Variants in NFXL1 observed in about 807,000 individuals in gnomAD.
The protein encoded by NFXL1 is NF-X1-type zinc finger protein NFXL1.
Under a neutral mutation model 123.3 loss-of-function variants are expected in NFXL1, and 66 were observed. The observed-to-expected ratio is 0.54, with a 90% CI of 0.44 to 0.66. NFXL1 has a LOEUF of 0.66. NFXL1 is among the 30% of genes least tolerant of loss of function. NFXL1 has a pLI of 0.00. For missense variants in NFXL1, 944 were observed against 1,125.6 expected (o/e 0.84, Z 2.31); for synonymous variants, 346 against 360.8 (o/e 0.96, Z 0.46).
chr4:47,879,033 G>C (rs1340026690), intron 16 of NFXL1, 63 bp downstream of exon 16: 1 of 918,108 alleles, frequency 1.1e-6, no homozygotes, highest in Non-Finnish European at 1.7e-6. Context: ...CTCTAGTAAA[G>C]TTATACTAGT....
At position 47,899,361 on chromosome 4, in the gene NFXL1, A is replaced by G. The variant is rs1463918688; in HGVS notation, c.826+9T>C. The G allele has an allele frequency of 3.1e-6, 5 of 1,604,868 alleles. No homozygotes were observed. Among genetic ancestry groups the G allele is most frequent in the South Asian group, 2.2e-5 (2 of 90,784 alleles). On this transcript the variant is annotated intron_variant, in intron 6 of 22. Transcript: ENST00000507489. ...CCACAAACAATTTAAAATGCAATAT[A>G]TAACTCACCTGGATGACAGAGGAGT...
At chr4:47,860,248 G>A (rs1489088873) in intron 19 of NFXL1, among the ~76,000 whole-genome samples, 1 of 151,848 alleles carries the variant, frequency 6.6e-6, no homozygotes, top group Non-Finnish European at 1.5e-5. Flanking sequence ...TAAAAACTTT[G>A]AACATTTAAA....
intron 18 of NFXL1, among the ~76,000 whole-genome samples, chr4:47,866,442 T>C (rs1200925460): frequency 6.6e-6 from 1 of 152,064 alleles, no homozygotes; most frequent in Non-Finnish European, 1.5e-5. Context: ...TCCAAAAACA[T>C]AAAGATATGT....
Position 47,862,588 on chromosome 4 carries a change from T to G in NFXL1, c.2316+258A>C, listed in dbSNP as rs76927818. Among the ~76,000 whole-genome samples the G allele has an allele frequency of 5.6e-3, 854 of 152,292 alleles. 5 individuals carry two copies. Among genetic ancestry groups the G allele is most frequent in the African/African-American group, 0.019 (801 of 41,550 alleles). On this transcript the variant is annotated intron_variant, in intron 19 of 22. Transcript: ENST00000507489. ...CACATTTTGAGGGATAAGCACTAGG[T>G]CAATACTTTATTGTATAAAGTATGT...
chr4:47,895,751 C>T (rs1330802099), intron 10 of NFXL1, among the ~76,000 whole-genome samples: 1 of 152,198 alleles, frequency 6.6e-6, no homozygotes, highest in African/African-American at 2.4e-5. Flanking sequence ...TTCCTGTATT[C>T]ACTGCAGTAG....
intron 12 of NFXL1, 47 bp downstream of exon 12, chr4:47,890,566 C>A: frequency 3.9e-6 from 4 of 1,014,464 alleles, no homozygotes; most frequent in East Asian, 2.4e-5. Context: ...AAAAAAAAAC[C>A]ACTACATCAC....
intron 19 of NFXL1, among the ~76,000 whole-genome samples, 187 bp from the exon 20 acceptor site, chr4:47,855,350 TTATA>T (rs1343036155): frequency 6.7e-6 from 1 of 149,100 alleles, no homozygotes; most frequent in Non-Finnish European, 1.5e-5. Context: ...TATAATTTAA[TTATA>T]TATATATAAT....
intron 15 of NFXL1, chr4:47,882,250 T>C (rs1736156446): frequency 6.6e-6 from 1 of 152,196 alleles, no homozygotes; most frequent in Non-Finnish European, 1.5e-5. Context: ...AGGGACTGGC[T>C]TAAAAATGGT....
chr4:47,905,238 G>A lies in NFXL1; in HGVS notation c.515C>T (p.Ala172Val). The change falls in exon 4 of 23, where the codon GCA becomes GTA. Residue 172 changes from alanine to valine, a missense_variant and splice_region_variant. Coordinates refer to ENST00000507489, the MANE Select transcript of NFXL1 (RefSeq NM_001278624.2). ...ICIASVKRNQ[A>V]VWSCSGCFCI... is the part of the protein sequence containing the mutation. ...ATATAAATAAGGAGAAAAACTTACT[G>A]CTTGGTTTCTCTTCACCGAAGCAAT... The A allele has an allele frequency of 7.0e-7, 1 of 1,422,844 alleles. No individual in the cohort carries two copies. The highest frequency in any genetic ancestry group is 9.9e-7 in the Non-Finnish European group (1 of 1,013,736). The allele number at this position is 1,422,844 out of a possible 1,614,324, so 88.1% of individuals were successfully genotyped here.
intron 18 of NFXL1, among the ~76,000 whole-genome samples, chr4:47,872,588 A>AT (rs1735517632): frequency 6.6e-6 from 1 of 152,158 alleles, no homozygotes; most frequent in Non-Finnish European, 1.5e-5. Flanking sequence ...AGTCACACAC[A>AT]TTTTTTGGCT....
chr4:47,903,019 G>C (rs1002951511), intron 5 of NFXL1, among the ~76,000 whole-genome samples, 174 bp downstream of exon 5: 3 of 152,186 alleles, frequency 2.0e-5, no homozygotes, highest in Non-Finnish European at 4.4e-5. Context: ...GCCAGGCATA[G>C]TGACAGGTGC....
intron 15 of NFXL1, among the ~76,000 whole-genome samples, chr4:47,879,713 A>G (rs892112450): frequency 3.9e-5 from 6 of 152,232 alleles, no homozygotes; most frequent in Non-Finnish European, 5.9e-5. Context: ...GGTACTGATT[A>G]AAGAATAGGC....
In NFXL1 at chr4:47,851,886, C is replaced by T. The variant is rs768292083; in HGVS notation, c.2478G>A (p.Thr826=). The T allele has an allele frequency of 6.2e-6, 10 of 1,610,316 alleles. No individual in the cohort carries two copies. Among genetic ancestry groups the T allele is most frequent in the South Asian group, 1.1e-5 (1 of 90,924 alleles). ...ENQVSIECDT[T]CKEMKRKASE... is the part of the protein sequence containing the mutation. ...ATGCTTTCCGCTTCATTTCCTTGCA[C>T]GTTGTGTCACATTCTATTGAAACCT... Residue 826 remains threonine (T), a synonymous_variant, in exon 21 of 23, where the codon ACG becomes ACA. Transcript: ENST00000507489.
chr4:47,848,060 A>G lies in NFXL1; in HGVS notation c.*103T>C. 1.5e-6 allele frequency: 1 copy of G among 689,102 alleles called. No homozygotes were observed. The highest frequency in any genetic ancestry group is 2.3e-6 in the Non-Finnish European group (1 of 426,920). The allele number at this position is 689,102 out of a possible 1,614,324, so 42.7% of individuals were successfully genotyped here. On this transcript the variant is annotated 3_prime_UTR_variant, in exon 23 of 23. Coordinates refer to ENST00000507489, the MANE Select transcript of NFXL1 (RefSeq NM_001278624.2). Reference sequence around the variant, plus strand: ...AACAGCTGAGAGAATACAGAGATGAATGTAAATATATATCATGTTCTATAA... The same window carrying G: ...AACAGCTGAGAGAATACAGAGATGAGTGTAAATATATATCATGTTCTATAA...
In NFXL1 at chr4:47,904,320, G is replaced by T. The variant is rs558578658; in HGVS notation, c.516+917C>A. On this transcript the variant is annotated intron_variant, in intron 4 of 22. Transcript: ENST00000507489. ...CTGTGGTGCAATGTTGCTGCAAGGG[G>T]CTTTAACTCCCCAGTGCTTCTGCAC... 4.6e-5 allele frequency among the ~76,000 whole-genome samples: 7 copies of T among 152,264 alleles called. No homozygotes were observed. In the East Asian group the frequency reaches 1.4e-3, roughly 29 times the overall value.
intron 18 of NFXL1, among the ~76,000 whole-genome samples, chr4:47,872,894 G>T (rs1050741955): frequency 1.3e-5 from 2 of 152,170 alleles, no homozygotes; most frequent in African/African-American, 2.4e-5. Context: ...CTTTCAGGAA[G>T]ATTTCTCTGT....
intron 11 of NFXL1, 107 bp from the exon 12 acceptor site, chr4:47,890,810 A>T (rs1736722311): frequency 3.2e-6 from 2 of 618,714 alleles, no homozygotes; most frequent in Non-Finnish European, 5.8e-6. Flanking sequence ...TACACTTTTC[A>T]CTAAAAGAAG....
At chr4:47,870,992 A>C (rs1735394824) in intron 18 of NFXL1, among the ~76,000 whole-genome samples, 1 of 152,154 alleles carries the variant, frequency 6.6e-6, no homozygotes. Context: ...CAGTATTAAC[A>C]TACGAGGTTG....
Position 47,899,832 on chromosome 4 carries a change from G to C in NFXL1, c.648-284C>G, listed in dbSNP as rs776357031. 2.0e-5 allele frequency among the ~76,000 whole-genome samples: 3 copies of C among 152,356 alleles called. No individual in the cohort carries two copies. In the South Asian group the frequency reaches 6.2e-4, roughly 32 times the overall value. ...ACTGTGAGCACTTGAAACGTGGCTA[G>C]TGCTTACAACTGAGGAAGGAATCAA... On this transcript the variant is annotated intron_variant, in intron 5 of 22. Coordinates refer to ENST00000507489, the MANE Select transcript of NFXL1 (RefSeq NM_001278624.2).
Sources: gnomAD v4.1 joint callset for allele counts (sites outside exome capture counted in the v4.1 genomes callset) on GRCh38, gnomAD v4.1.1 for gene constraint, MANE v1.5 for transcripts, NCBI Gene and HGNC (gene_info 2026-07-23, HGNC 2026-07-21) for gene names.